The following FAM89A variants were observed in gnomAD, a reference collection of about 807,000 sequenced individuals.
The protein encoded by FAM89A is protein FAM89A.
FAM89A carries 10 observed loss-of-function variants against 7.1 expected under a neutral mutation model. The ratio of observed to expected loss-of-function variants is 1.40; its 90% confidence interval spans 0.86 to 2.38. The LOEUF (loss-of-function observed/expected upper bound fraction) is 2.38, where lower values mean the gene tolerates loss of function less well. Among genes scored for constraint, FAM89A ranks in the 30% most tolerant of loss-of-function variants. The pLI is 0.00. For synonymous variants in FAM89A, 157 were observed against 129.3 expected (o/e 1.21, Z -1.45); for missense variants, 276 against 262.8 (o/e 1.05, Z -0.35).
chr1:231,039,240 G>A (rs893198694), intron 1 of FAM89A, among the ~76,000 whole-genome samples: 2 of 152,110 alleles, frequency 1.3e-5, no homozygotes, highest in African/African-American at 2.4e-5. Context: ...ACAAGGCGAA[G>A]AACTCACATG....
chr1:231,032,392 A>AC (rs1225972399), intron 1 of FAM89A, among the ~76,000 whole-genome samples: 2 of 24,222 alleles, frequency 8.3e-5, no homozygotes, highest in African/African-American at 3.1e-4. Context: ...GCCAGCCCCC[A>AC]CCCCCCACCC....
chr1:231,032,596 T>C (rs1680093996), intron 1 of FAM89A, among the ~76,000 whole-genome samples: 2 of 147,840 alleles, frequency 1.4e-5, no homozygotes, highest in African/African-American at 4.9e-5. Context: ...TATATCCAAT[T>C]TTAATTGCAA....
intron 1 of FAM89A, among the ~76,000 whole-genome samples, chr1:231,024,914 CTTTTTT>C (rs60500715): frequency 1.1e-4 from 7 of 63,410 alleles, no homozygotes; most frequent in Admixed American, 1.8e-4. Context: ...CACAACTACT[CTTTTTT>C]TTTTTTTTTT....
intron 1 of FAM89A, among the ~76,000 whole-genome samples, chr1:231,028,262 G>A (rs892986790): frequency 2.0e-5 from 3 of 152,112 alleles, no homozygotes; most frequent in East Asian, 1.9e-4. Flanking sequence ...GAGTCCCCGC[G>A]TGCCTCCCAT....
chr1:231,027,140 C>G (rs1203957763), intron 1 of FAM89A, among the ~76,000 whole-genome samples: 2 of 152,160 alleles, frequency 1.3e-5, no homozygotes, highest in Non-Finnish European at 2.9e-5. Flanking sequence ...GGCTCTGACT[C>G]CCCATGACCC....
intron 1 of FAM89A, 137 bp downstream of exon 1, chr1:231,039,784 G>T (rs1680226159): frequency 1.1e-6 from 1 of 877,304 alleles, no homozygotes; most frequent in East Asian, 3.4e-5. Context: ...TTGGGAGGAC[G>T]GCGCCGGCGC....
intron 1 of FAM89A, chr1:231,022,242 C>T (rs556849120): frequency 2.4e-6 from 2 of 834,596 alleles, no homozygotes; most frequent in Non-Finnish European, 4.2e-6. Context: ...GTGGTATCTG[C>T]CTCCATTTTC....
At chr1:231,035,296 T>G (rs1680141513) in intron 1 of FAM89A, among the ~76,000 whole-genome samples, 1 of 152,216 alleles carries the variant, frequency 6.6e-6, no homozygotes, top group Admixed American at 6.5e-5. Context: ...TTACACAACA[T>G]TGCAATTTGG....
In FAM89A at chr1:231,040,011, C is replaced by T. The variant is rs1680233395; in HGVS notation, c.201G>A (p.Gly67=). The T allele has an allele frequency of 7.0e-7, 1 of 1,419,876 alleles. No individual in the cohort carries two copies. 88.0% of individuals were successfully genotyped at this position (1,419,876 alleles called of 1,614,324 possible). The change falls in exon 1 of 2, where the codon GGG becomes GGA. Residue 67 remains glycine (G), a synonymous_variant. Coordinates refer to ENST00000366654, the MANE Select transcript of FAM89A (RefSeq NM_198552.3). ...CCCGGGCCCCGCCGCCGCCCGGGCC[C>T]CCGCGGCTCAGCTCGTCCTGGATGC... The part of the protein sequence containing the change: ...KSRIQDELSR[G]GPGGGGARAA...
At chr1:231,039,870 G>A (rs995326618) in intron 1 of FAM89A, 51 bp downstream of exon 1, 2 of 1,273,962 alleles carry the variant, frequency 1.6e-6, no homozygotes, top group Non-Finnish European at 9.9e-7. Flanking sequence ...GAACTTTCCC[G>A]GGACGGCGAG....
At chr1:231,038,277 C>T (rs922765597) in intron 1 of FAM89A, among the ~76,000 whole-genome samples, 1 of 152,164 alleles carries the variant, frequency 6.6e-6, no homozygotes, top group Non-Finnish European at 1.5e-5. Flanking sequence ...CGTAATTATA[C>T]GGATGTGGTT....
intron 1 of FAM89A, among the ~76,000 whole-genome samples, chr1:231,023,648 A>G (rs1273892638): frequency 6.6e-6 from 1 of 152,220 alleles, no homozygotes; most frequent in Non-Finnish European, 1.5e-5. Flanking sequence ...TCTATGTGAA[A>G]AGAAAATTGT....
chr1:231,022,224 G>A, intron 1 of FAM89A: 3 of 913,748 alleles, frequency 3.3e-6, no homozygotes, highest in Non-Finnish European at 5.5e-6. Flanking sequence ...GGACAATCAG[G>A]TTCTCCAGTG....
rs188134657 is a variant in FAM89A at position 231,025,292 on chromosome 1, G to A, written c.292-5166C>T. On this transcript the variant is annotated intron_variant, in intron 1 of 1. Transcript: ENST00000366654. ...GAGACCTCAGCTGCAGGTCGGGAGC[G>A]TGGTCTCCAGGCCCAGCTTTGCCGT... Among the ~76,000 whole-genome samples, 14 of 152,266 alleles carry A rather than the reference G, an allele frequency of 9.2e-5. No homozygotes were observed. The East Asian group carries it at 1.4e-3, about 15-fold the overall frequency.
chr1:231,034,275 A>C (rs1680122364), intron 1 of FAM89A, among the ~76,000 whole-genome samples: 1 of 152,228 alleles, frequency 6.6e-6, no homozygotes, highest in African/African-American at 2.4e-5. Context: ...CATCAGAAAG[A>C]ACCATAGAGG....
intron 1 of FAM89A, chr1:231,025,942 A>AGG: frequency 6.5e-6 from 1 of 153,072 alleles, no homozygotes; most frequent in Non-Finnish European, 1.5e-5. Context: ...CTGGAATTTC[A>AGG]GGCCAGCCAA....
chr1:231,031,938 G>A (rs1003923197), intron 1 of FAM89A, among the ~76,000 whole-genome samples: 24 of 152,156 alleles, frequency 1.6e-4, no homozygotes, highest in Non-Finnish European at 3.5e-4. Context: ...GAAATTGTGG[G>A]GGACAAGGAG....
intron 1 of FAM89A, among the ~76,000 whole-genome samples, chr1:231,031,673 G>GCATA (rs1295960371): frequency 1.3e-5 from 2 of 152,112 alleles, no homozygotes; most frequent in Non-Finnish European, 2.9e-5. Flanking sequence ...TAGTAGTTTA[G>GCATA]CATATATTCC....
intron 1 of FAM89A, among the ~76,000 whole-genome samples, chr1:231,029,437 C>A (rs185009829): frequency 6.6e-6 from 1 of 151,736 alleles, no homozygotes; most frequent in African/African-American, 2.4e-5. Context: ...GGCTGCAGTG[C>A]GCTGTGATCG....
Sources: gnomAD v4.1 joint callset for allele counts (sites outside exome capture counted in the v4.1 genomes callset) on GRCh38, gnomAD v4.1.1 for gene constraint, MANE v1.5 for transcripts, NCBI Gene and HGNC (gene_info 2026-07-23, HGNC 2026-07-21) for gene names.